Variants in JAZF1 observed in about 807,000 individuals in gnomAD.
JAZF1 encodes juxtaposed with another zinc finger protein 1.
JAZF1 carries 8 observed loss-of-function variants against 26.4 expected under a neutral mutation model. The ratio of observed to expected loss-of-function variants is 0.30; its 90% CI spans 0.18 to 0.55. JAZF1 has a LOEUF of 0.55. Among genes scored for constraint, JAZF1 ranks in the 20% least tolerant of loss-of-function variants. The pLI is 0.94. For missense variants in JAZF1, 199 were observed against 322.0 expected (o/e 0.62, Z 2.92); for synonymous variants, 126 against 122.3 (o/e 1.03, Z -0.20).
In JAZF1 at chr7:27,895,305, G is replaced by C; in HGVS notation, c.300C>G (p.Pro100=). 6.2e-7 allele frequency: 1 copy of C among 1,609,262 alleles called. No individual in the cohort carries two copies. Among genetic ancestry groups the C allele is most frequent in the Non-Finnish European group, 8.5e-7 (1 of 1,177,148 alleles). The stretch of plus-strand genomic sequence containing the variant: ...TAAGGCTTCCACTGCTGTGGCGTGG[G>C]GGAGTGGACACATTCCCTCGAGACA... ...SSVSRGNVST[P]PRHSSGSLTP... The change falls in exon 3 of 5, where the codon CCC becomes CCG. Residue 100 remains proline, a synonymous_variant. Transcript: ENST00000283928.
chr7:27,863,678 T>G (rs1488875075), intron 3 of JAZF1, among the ~76,000 whole-genome samples: 1 of 152,138 alleles, frequency 6.6e-6, no homozygotes, highest in Non-Finnish European at 1.5e-5. Flanking sequence ...CAATATATAT[T>G]TGTTGAAGAA....
chr7:27,837,580 G>C lies in JAZF1; in HGVS notation c.555+3118C>G, dbSNP rs116867776. ...GCCTCAATGTAGAAAGAGCATGTGG[G>C]GAGGATGAGAACTTGACCTATGAGG... On this transcript the variant is annotated intron_variant, in intron 4 of 4. Transcript: ENST00000283928. 4.9e-4 allele frequency among the ~76,000 whole-genome samples: 74 copies of C among 152,326 alleles called. 1 individual carries two copies. The East Asian group carries it at 0.014, about 29-fold the overall frequency.
chr7:27,850,990 T>G (rs1229479608), intron 3 of JAZF1, among the ~76,000 whole-genome samples: 1 of 152,242 alleles, frequency 6.6e-6, no homozygotes, highest in Non-Finnish European at 1.5e-5. Context: ...TTGCCCAGAC[T>G]GGAGTGCAAT....
At chr7:28,094,764 AT>A (rs1180095506) in intron 1 of JAZF1, among the ~76,000 whole-genome samples, 1 of 151,748 alleles carries the variant, frequency 6.6e-6, no homozygotes, top group Non-Finnish European at 1.5e-5. Context: ...AAAAATTATT[AT>A]TTTTTATTTT....
intron 1 of JAZF1, among the ~76,000 whole-genome samples, chr7:28,174,107 A>G (rs1021950277): frequency 5.9e-5 from 9 of 152,156 alleles, no homozygotes; most frequent in African/African-American, 2.2e-4. Flanking sequence ...TCAACATGGA[A>G]TAAATCTATT....
chr7:27,931,826 C>G (rs1186033501), intron 2 of JAZF1, among the ~76,000 whole-genome samples: 2 of 151,830 alleles, frequency 1.3e-5, no homozygotes, highest in Non-Finnish European at 2.9e-5. Flanking sequence ...CCTGGGAGAA[C>G]TGCTTGAACC....
At chr7:28,057,500 T>C (rs6949254) in intron 1 of JAZF1, among the ~76,000 whole-genome samples, 8,323 of 152,240 alleles carry the variant, frequency 0.055, 402 homozygotes, top group African/African-American at 0.12. Context: ...TAAAAACATC[T>C]GGGCCTGGTG....
At chr7:27,901,948 G>A (rs1027207850) in intron 2 of JAZF1, among the ~76,000 whole-genome samples, 12 of 152,126 alleles carry the variant, frequency 7.9e-5, no homozygotes, top group African/African-American at 2.2e-4. Context: ...CGTATCTCAC[G>A]GTGCGACCTG....
At chr7:27,960,724 C>G (rs937482245) in intron 2 of JAZF1, among the ~76,000 whole-genome samples, 4 of 152,192 alleles carry the variant, frequency 2.6e-5, no homozygotes, top group African/African-American at 9.7e-5. Flanking sequence ...CCTGGAGGAA[C>G]AAAGCCTGGT....
chr7:27,888,525 CAAAAT>C (rs1783911042), intron 3 of JAZF1, among the ~76,000 whole-genome samples: 1 of 152,102 alleles, frequency 6.6e-6, no homozygotes, highest in Non-Finnish European at 1.5e-5. Flanking sequence ...AAATGCCAAG[CAAAAT>C]TCTATCAGTC....
At chr7:28,074,279 AGTAATTAT>A (rs1344816849) in intron 1 of JAZF1, among the ~76,000 whole-genome samples, 1 of 152,370 alleles carries the variant, frequency 6.6e-6, no homozygotes, top group East Asian at 1.9e-4. Context: ...GGCTAAATTT[AGTAATTAT>A]TTCTTTCATA....
At chr7:28,136,880 G>A (rs1562599463) in intron 1 of JAZF1, among the ~76,000 whole-genome samples, 1 of 152,320 alleles carries the variant, frequency 6.6e-6, no homozygotes, top group African/African-American at 2.4e-5. Flanking sequence ...CACAGAGTGC[G>A]ATGGGTGGAC....
At chr7:28,166,070 A>G (rs1478620736) in intron 1 of JAZF1, among the ~76,000 whole-genome samples, 2 of 152,132 alleles carry the variant, frequency 1.3e-5, no homozygotes, top group African/African-American at 2.4e-5. Context: ...AATAGAACCC[A>G]TGAGAAGGGA....
chr7:28,147,685 C>CAA lies in JAZF1; in HGVS notation c.115+32776_115+32777dup, dbSNP rs113127778. ...CAACACGGCAAAACCCCATCTCTACCAAAAAAAAAAAAGTATATATACATA... is the reference window on the plus strand; with the variant it reads ...CAACACGGCAAAACCCCATCTCTACCAAAAAAAAAAAAAAGTATATATACATA... On this transcript the variant is annotated intron_variant, in intron 1 of 4. Coordinates refer to ENST00000283928, the MANE Select transcript of JAZF1 (RefSeq NM_175061.4). Among the ~76,000 whole-genome samples the CAA allele has an allele frequency of 1.2e-3, 155 of 127,076 alleles. 2 individuals are homozygous for CAA. In the East Asian group the frequency reaches 0.029, roughly 24 times the overall value. The allele number at this position is 127,076 out of a possible 152,430, so 83.4% of individuals were successfully genotyped here. A position where few individuals can be genotyped will look rare whatever the true frequency, so the allele number is the denominator to read the frequency against.
rs1309101408 is a variant in JAZF1 at position 27,831,385 on chromosome 7, G to GCTAT, written c.*1411_*1414dup. On this transcript the variant is annotated 3_prime_UTR_variant, in exon 5 of 5. Coordinates refer to ENST00000283928, the MANE Select transcript of JAZF1 (RefSeq NM_175061.4). Reference sequence around the variant, plus strand: ...TTTGAGTTTGTTTTATGGGCAGTTAGCTATCTCAAAGCATTTTTTATTGCA... The same window carrying GCTAT: ...TTTGAGTTTGTTTTATGGGCAGTTAGCTATCTATCTCAAAGCATTTTTTATTGCA... The GCTAT allele has an allele frequency of 6.2e-5, 14 of 227,568 alleles. No homozygotes were observed. Among genetic ancestry groups the GCTAT allele is most frequent in the African/African-American group, 6.7e-5 (3 of 45,042 alleles). 14.1% of individuals were successfully genotyped at this position (227,568 alleles called of 1,614,324 possible). A position where few individuals can be genotyped will look rare whatever the true frequency, so the allele number is the denominator to read the frequency against.
intron 3 of JAZF1, among the ~76,000 whole-genome samples, chr7:27,893,154 T>G (rs1784000942): frequency 6.6e-6 from 1 of 152,162 alleles, no homozygotes; most frequent in African/African-American, 2.4e-5. Context: ...AGACTAACAG[T>G]GCATATTAAA....
intron 3 of JAZF1, among the ~76,000 whole-genome samples, chr7:27,876,396 A>G (rs1037112066): frequency 9.2e-5 from 14 of 152,282 alleles, no homozygotes; most frequent in Non-Finnish European, 1.6e-4. Context: ...TTGGGAGAGC[A>G]TCTGATAGGA....
chr7:27,864,748 G>A (rs1019286383), intron 3 of JAZF1, among the ~76,000 whole-genome samples: 4 of 152,104 alleles, frequency 2.6e-5, no homozygotes, highest in African/African-American at 4.8e-5. Flanking sequence ...AAATGCCAAC[G>A]TCTCTTCAGG....
intron 3 of JAZF1, chr7:27,846,360 T>A (rs956990746): frequency 2.7e-6 from 1 of 376,100 alleles, no homozygotes; most frequent in East Asian, 7.4e-5. Context: ...CGTATACGTG[T>A]ACATATGTAT....
Sources: allele counts gnomAD v4.1 joint callset (sites outside exome capture counted in the v4.1 genomes callset), GRCh38; gene constraint gnomAD v4.1.1; transcripts MANE v1.5; gene names NCBI Gene and HGNC (gene_info 2026-07-23, HGNC 2026-07-21).